The following CTNNBL1 variants were observed in gnomAD, a reference collection of about 807,000 sequenced individuals.
The protein encoded by CTNNBL1 is catenin beta like 1.
A neutral mutation model predicts 72.7 loss-of-function variants in CTNNBL1; 31 were observed. That is an observed-to-expected ratio of 0.43 (90% CI 0.32 to 0.58). CTNNBL1 has a LOEUF of 0.58. Among genes scored for constraint, CTNNBL1 ranks in the 20% least tolerant of loss-of-function variants. CTNNBL1 has a pLI of 0.08. For synonymous variants in CTNNBL1, 240 were observed against 267.3 expected (o/e 0.90, Z 1.00); for missense variants, 534 against 725.1 (o/e 0.74, Z 3.03).
intron 11 of CTNNBL1, among the ~76,000 whole-genome samples, chr20:37,808,963 C>T (rs992736579): frequency 6.7e-6 from 1 of 148,402 alleles, no homozygotes; most frequent in Non-Finnish European, 1.5e-5. Context: ...AATTGATCAT[C>T]AGCCCTATGA....
chr20:37,774,673 C>T (rs903711222), intron 7 of CTNNBL1, among the ~76,000 whole-genome samples: 1 of 152,130 alleles, frequency 6.6e-6, no homozygotes. Flanking sequence ...CTCAGCTGGT[C>T]GGTGCCTGTT....
intron 11 of CTNNBL1, among the ~76,000 whole-genome samples, chr20:37,837,238 T>C (rs917636161): frequency 6.6e-6 from 1 of 152,166 alleles, no homozygotes; most frequent in African/African-American, 2.4e-5. Flanking sequence ...TCGCCATCCT[T>C]ACCCTGGGTT....
chr20:37,858,604 GGGA>G (rs1261811422), intron 13 of CTNNBL1, among the ~76,000 whole-genome samples: 4 of 152,222 alleles, frequency 2.6e-5, no homozygotes, highest in South Asian at 4.2e-4. Context: ...TTGGGGTTGG[GGGA>G]TGGTAAAGAT....
At chr20:37,729,931 T>C (rs2073115978) in intron 1 of CTNNBL1, among the ~76,000 whole-genome samples, 1 of 152,220 alleles carries the variant, frequency 6.6e-6, no homozygotes, top group African/African-American at 2.4e-5. Flanking sequence ...TTTGTCCTTA[T>C]GGAAAATAAA....
chr20:37,779,954 G>A (rs1028676796), intron 10 of CTNNBL1, among the ~76,000 whole-genome samples: 4 of 152,012 alleles, frequency 2.6e-5, no homozygotes, highest in African/African-American at 9.7e-5. Context: ...AGCAAAAAGG[G>A]GAGAGGAAGC....
chr20:37,706,075 AC>A (rs2072882297), intron 1 of CTNNBL1, among the ~76,000 whole-genome samples: 1 of 152,334 alleles, frequency 6.6e-6, no homozygotes, highest in East Asian at 1.9e-4. Flanking sequence ...CAATGCACAT[AC>A]TTTAATTAAA....
At chr20:37,839,706 G>A (rs563630849) in intron 11 of CTNNBL1, among the ~76,000 whole-genome samples, 32 of 152,294 alleles carry the variant, frequency 2.1e-4, no homozygotes, top group Non-Finnish European at 3.8e-4. Context: ...TTGAGAATTC[G>A]ATACAGCATG....
chr20:37,760,284 T>C (rs1227988184), intron 5 of CTNNBL1, among the ~76,000 whole-genome samples: 1 of 152,196 alleles, frequency 6.6e-6, no homozygotes, highest in Non-Finnish European at 1.5e-5. Flanking sequence ...ATTACAGTCA[T>C]TTTTCTACTT....
intron 12 of CTNNBL1, chr20:37,842,118 G>C (rs2072308866): frequency 2.1e-6 from 1 of 479,816 alleles, no homozygotes; most frequent in African/African-American, 2.0e-5. Flanking sequence ...AATGGGCCTG[G>C]TTCAAACTGC....
intron 11 of CTNNBL1, among the ~76,000 whole-genome samples, chr20:37,839,282 A>G (rs2072280598): frequency 6.6e-6 from 1 of 152,224 alleles, no homozygotes; most frequent in African/African-American, 2.4e-5. Flanking sequence ...GAAGATGCTC[A>G]TCAGTTTTCA....
chr20:37,758,635 C>T (rs1197503750), intron 5 of CTNNBL1, among the ~76,000 whole-genome samples: 4 of 152,256 alleles, frequency 2.6e-5, no homozygotes, highest in African/African-American at 9.6e-5. Flanking sequence ...CCAGCCCCTA[C>T]CCTGATACCA....
At chr20:37,757,522 G>A (rs762208663) in intron 4 of CTNNBL1, 37 bp from the exon 5 acceptor site, 23 of 1,444,456 alleles carry the variant, frequency 1.6e-5, no homozygotes, top group East Asian at 4.6e-5. Context: ...TACTGGTACC[G>A]TTTCAGTATG....
At chr20:37,757,530 ATG>A (rs748173048) in intron 4 of CTNNBL1, 27 bp from the exon 5 acceptor site, 3 of 1,498,714 alleles carry the variant, frequency 2.0e-6, no homozygotes, top group East Asian at 2.3e-5. Context: ...CCGTTTCAGT[ATG>A]TGTGTTATAC....
At chr20:37,842,640 C>A (rs2072314550) in intron 13 of CTNNBL1, among the ~76,000 whole-genome samples, 1 of 152,174 alleles carries the variant, frequency 6.6e-6, no homozygotes, top group African/African-American at 2.4e-5. Context: ...CCAGGTCTGA[C>A]CTGGGAGTCT....
chr20:37,848,720 A>T (rs2072368570), intron 13 of CTNNBL1, among the ~76,000 whole-genome samples: 1 of 152,118 alleles, frequency 6.6e-6, no homozygotes, highest in South Asian at 2.1e-4. Flanking sequence ...TCTGCCACTT[A>T]CCTTGCAGTA....
Position 37,797,556 on chromosome 20 carries a change from A to G in CTNNBL1, c.1032-5311A>G, listed in dbSNP as rs866262583. On this transcript the variant is annotated intron_variant, in intron 10 of 15. Coordinates refer to ENST00000361383, the MANE Select transcript of CTNNBL1 (RefSeq NM_030877.5). Reference sequence around the variant, plus strand: ...TGATGACTCTTTCAAAATTTTCCCTATTGGTGACTTCATTATTGGGCTTCA... The same window carrying G: ...TGATGACTCTTTCAAAATTTTCCCTGTTGGTGACTTCATTATTGGGCTTCA... Among the ~76,000 whole-genome samples the G allele has an allele frequency of 6.6e-5, 10 of 152,126 alleles. 1 individual carries two copies. Among genetic ancestry groups the G allele is most frequent in the Middle Eastern group, 6.8e-3 (2 of 294 alleles).
chr20:37,705,542 A>G (rs1600432644), intron 1 of CTNNBL1, among the ~76,000 whole-genome samples: 1 of 152,296 alleles, frequency 6.6e-6, no homozygotes, highest in African/African-American at 2.4e-5. Flanking sequence ...AAGGTTCAGA[A>G]TCCTGTATAA....
At chr20:37,718,075 C>T (rs1390835580) in intron 1 of CTNNBL1, among the ~76,000 whole-genome samples, 1 of 152,198 alleles carries the variant, frequency 6.6e-6, no homozygotes, top group Non-Finnish European at 1.5e-5. Flanking sequence ...CTTTCTATTC[C>T]ACAAAACCGC....
At chr20:37,808,497 A>G (rs1763141211) in intron 11 of CTNNBL1, among the ~76,000 whole-genome samples, 1 of 152,192 alleles carries the variant, frequency 6.6e-6, no homozygotes, top group Admixed American at 6.5e-5. Flanking sequence ...AAATATAACA[A>G]AGACCTAGTA....
Sources: gnomAD v4.1 joint callset for allele counts (sites outside exome capture counted in the v4.1 genomes callset) on GRCh38, gnomAD v4.1.1 for gene constraint, MANE v1.5 for transcripts, NCBI Gene and HGNC (gene_info 2026-07-23, HGNC 2026-07-21) for gene names.